The following LRP1 variants were observed in gnomAD, a reference collection of about 807,000 sequenced individuals.
The protein encoded by LRP1 is prolow-density lipoprotein receptor-related protein 1.
Under a neutral mutation model 541.5 loss-of-function variants are expected in LRP1, and 51 were observed. The ratio of observed to expected loss-of-function variants is 0.09; its 90% CI spans 0.08 to 0.12. The LOEUF (loss-of-function observed/expected upper bound fraction) is 0.12. LRP1 is among the 10% of genes least tolerant of loss of function. The pLI, the probability that LRP1 is intolerant of heterozygous loss-of-function variation, is 1.00. For synonymous variants in LRP1, 2,219 were observed against 2,470.8 expected (o/e 0.90, Z 3.02); for missense variants, 3,878 against 6,376.2 (o/e 0.61, Z 13.34).
intron 62 of LRP1, chr12:57,200,233 G>T: frequency 1.6e-6 from 1 of 635,680 alleles, no homozygotes; most frequent in Non-Finnish European, 2.8e-6. Context: ...CCCTAACCTT[G>T]ACCCTCCTTG....
chr12:57,154,708 G>A lies in LRP1; in HGVS notation c.1227+7G>A. On this transcript the variant is annotated splice_region_variant and intron_variant, in intron 8 of 88. Transcript: ENST00000243077. This position sits in a 1 kb window ranked among gnomAD's most constrained non-coding sequence, Gnocchi z 4.6. ...CATCATCCAGGGCATCCTGGTGAGG[G>A]AGCTACTGTCTGAGGTTTTGTGGGG... 6.4e-7 allele frequency: 1 copy of A among 1,554,052 alleles called. No individual in the cohort carries two copies. Among genetic ancestry groups the A allele is most frequent in the South Asian group, 1.2e-5 (1 of 84,294 alleles).
At position 57,211,825 on chromosome 12, in the gene LRP1, G is replaced by A; in HGVS notation, c.13258+11G>A. ...AGCAGCAGCCAGGACGTAGGTGGCA[G>A]GGGTTGGGGCAGGCAGGGCCACCGG... is the stretch of plus-strand genomic sequence containing the variant. On this transcript the variant is annotated intron_variant, in intron 86 of 88. Coordinates refer to ENST00000243077, the MANE Select transcript of LRP1 (RefSeq NM_002332.3). This position sits in a 1 kb window ranked among gnomAD's most constrained non-coding sequence, Gnocchi z 4.3. 2 of 1,612,788 alleles carry A rather than the reference G, an allele frequency of 1.2e-6. No homozygotes were observed. Among genetic ancestry groups the A allele is most frequent in the Non-Finnish European group, 1.7e-6 (2 of 1,180,002 alleles).
At position 57,178,341 on chromosome 12, in the gene LRP1, G is replaced by A. The variant is rs35933169; in HGVS notation, c.4362-18G>A. 6.2e-7 allele frequency: 1 copy of A among 1,605,116 alleles called. No homozygotes were observed. The highest frequency in any genetic ancestry group is 1.1e-5 in the South Asian group (1 of 90,208). On this transcript the variant is annotated intron_variant, in intron 26 of 88. Coordinates refer to ENST00000243077, the MANE Select transcript of LRP1 (RefSeq NM_002332.3). The surrounding 1 kb of genome is among the most constrained non-coding windows in gnomAD (Gnocchi z 5.8). ...AGATCCCAGCTGGCATCCTCATTCT[G>A]CTCCATCATGCTCTTAGGTCAGATG...
intron 33 of LRP1, 105 bp from the exon 34 acceptor site, chr12:57,181,052 C>G: frequency 7.1e-7 from 1 of 1,411,036 alleles, no homozygotes; most frequent in Non-Finnish European, 9.7e-7. Flanking sequence ...CCCATTAGGT[C>G]CAGGGTAGTC....
intron 60 of LRP1, 73 bp from the exon 61 acceptor site, chr12:57,199,139 A>G (rs1310792462): frequency 4.3e-6 from 6 of 1,411,220 alleles, no homozygotes; most frequent in Non-Finnish European, 5.9e-6. Context: ...GTAGGGCTTG[A>G]GGAGGTGGAG....
chr12:57,205,410 G>T lies in LRP1; in HGVS notation c.11395G>T (p.Val3799Leu), dbSNP rs369361942. The T allele has an allele frequency of 1.2e-6, 2 of 1,608,874 alleles. No homozygotes were observed. Among genetic ancestry groups the T allele is most frequent in the Non-Finnish European group, 1.7e-6 (2 of 1,179,654 alleles). The change falls in exon 74 of 89, where the codon GTG becomes TTG. Residue 3799 changes from valine (V) to leucine (L), a missense_variant. This residue lies in a region of LRP1 where 871 missense variants were observed against 1,212.4 expected (regional missense o/e 0.72). Transcript: ENST00000243077. This position sits in a 1 kb window ranked among gnomAD's most constrained non-coding sequence, Gnocchi z 4.6. ...ASICGDEARC[V>L]RTEKAAYCAC... ...CATCTGTGGGGACGAGGCACGCTGC[G>T]TGCGCACCGAGAAAGCGGCCTACTG...
rs1024943013 is a variant in LRP1, at chr12:57,210,310, C to A, written c.12584C>A (p.Pro4195His). The A allele has an allele frequency of 1.3e-6, 2 of 1,553,908 alleles. No individual in the cohort carries two copies. The change falls in exon 82 of 89, where the codon CCC (proline) becomes CAC (histidine). Residue 4195 changes from proline to histidine, a missense_variant. Physicochemically the swap from Pro to His is moderately conservative, Grantham distance 77. Around this residue, in one of 13 missense-constraint regions of LRP1, gnomAD observed 871 missense variants for 1,212.4 expected, o/e 0.72. Transcript: ENST00000243077. ...CCTTGACGGGCCCTTCCTGCAGCTC[C>A]CCGGCCTGGAACCTGTAACCTGCAG... ...VPSPTPPPDAPRPGTCNLQCF... is the reference protein window; with the variant it reads ...VPSPTPPPDAHRPGTCNLQCF...
chr12:57,179,032 CT>C lies in LRP1; in HGVS notation c.4738+12del. ...ACACCACCTGCTATGGTAGGAGCCC[CT>C]CCCTCCAGAGCCAGTGAGCAACTGA... On this transcript the variant is annotated intron_variant, in intron 28 of 88. Transcript: ENST00000243077. This position sits in a 1 kb window ranked among gnomAD's most constrained non-coding sequence, Gnocchi z 6.8. 1 of 1,611,792 alleles carries C rather than the reference CT, an allele frequency of 6.2e-7. No individual in the cohort carries two copies. Among genetic ancestry groups the C allele is most frequent in the Middle Eastern group, 1.7e-4 (1 of 6,048 alleles).
Position 57,202,543 on chromosome 12 carries a change from T to TGGGGCCCCCCCCCCCCCCCC in LRP1, c.10711+6_10711+7insGGGGCCCCCCCCCCCCCCCC. 1.3e-6 allele frequency: 2 copies of TGGGGCCCCCCCCCCCCCCCC among 1,523,598 alleles called. No homozygotes were observed. Among genetic ancestry groups the TGGGGCCCCCCCCCCCCCCCC allele is most frequent in the East Asian group, 2.5e-5 (1 of 40,538 alleles). The allele number at this position is 1,523,598 out of a possible 1,614,324, so 94.4% of individuals were successfully genotyped here. A position where few individuals can be genotyped will look rare whatever the true frequency, so the allele number is the denominator to read the frequency against. ...CTCCGATGAAGAGAGCTGCAGTACG[T>TGGGGCCCCCCCCCCCCCCCC]CCCCACCCACCCAGCCCCGCATGAG... On this transcript the variant is annotated splice_region_variant and intron_variant, in intron 68 of 88. Coordinates refer to ENST00000243077, the MANE Select transcript of LRP1 (RefSeq NM_002332.3).
At position 57,212,304 on chromosome 12, in the gene LRP1, G is replaced by T; in HGVS notation, c.13494+43G>T. ...CAGGGTCGAGTGCCAAGAGGCCGTG[G>T]GTGGCCTAACCAAAGGTGTTGGGTT... On this transcript the variant is annotated intron_variant, in intron 88 of 88. Coordinates refer to ENST00000243077, the MANE Select transcript of LRP1 (RefSeq NM_002332.3). This position sits in a 1 kb window ranked among gnomAD's most constrained non-coding sequence, Gnocchi z 5.0. The T allele has an allele frequency of 6.2e-7, 1 of 1,612,690 alleles. No homozygotes were observed.
intron 8 of LRP1, chr12:57,155,307 C>T (rs34241718): frequency 0.012 from 2,035 of 171,960 alleles, 44 homozygotes; most frequent in African/African-American, 0.046. Flanking sequence ...TCCTCTTAGC[C>T]CTCATAACAG....
In LRP1 at chr12:57,180,430, C is replaced by T. The variant is rs200785273; in HGVS notation, c.5337C>T (p.Ile1779=). ...CNLDGSGLEV[I]DAMRSQLGKA... Reference sequence around the variant, plus strand: ...TGGATGGGAGTGGGCTGGAGGTCATCGATGCCATGCGGAGCCAGCTGGGCA... The same window carrying T: ...TGGATGGGAGTGGGCTGGAGGTCATTGATGCCATGCGGAGCCAGCTGGGCA... The change falls in exon 32 of 89, where the codon ATC becomes ATT. Residue 1779 remains isoleucine, a synonymous_variant. Coordinates refer to ENST00000243077, the MANE Select transcript of LRP1 (RefSeq NM_002332.3). 5.0e-6 allele frequency: 8 copies of T among 1,614,110 alleles called. No individual in the cohort carries two copies. Among genetic ancestry groups the T allele is most frequent in the South Asian group, 2.2e-5 (2 of 91,090 alleles).
At position 57,211,768 on chromosome 12, in the gene LRP1, A is replaced by G. The variant is rs1455230262; in HGVS notation, c.13212A>G (p.Thr4404=). The G allele has an allele frequency of 1.2e-6, 2 of 1,613,030 alleles. No homozygotes were observed. The highest frequency in any genetic ancestry group is 1.7e-5 in the Admixed American group (1 of 59,980). Residue 4404 remains threonine, a synonymous_variant, in exon 86 of 89, where the codon ACA becomes ACG. Transcript: ENST00000243077. This position sits in a 1 kb window ranked among gnomAD's most constrained non-coding sequence, Gnocchi z 4.3. Reference sequence around the variant, plus strand: ...TCTGCAGGTGCCCACCCCACATGACAGGGCCCCGGTGTGAGGAGCACGTCT... The same window carrying G: ...TCTGCAGGTGCCCACCCCACATGACGGGGCCCCGGTGTGAGGAGCACGTCT... ...MPECQCPPHM[T]GPRCEEHVFS... is the part of the protein sequence containing the mutation.
chr12:57,162,405 G>A lies in LRP1; in HGVS notation c.2291G>A (p.Ser764Asn), dbSNP rs1286647682. The A allele has an allele frequency of 6.8e-6, 11 of 1,614,180 alleles. No homozygotes were observed. In the East Asian group the frequency reaches 2.2e-4, roughly 33 times the overall value. ...YLFWTEYRSG[S>N]VYRLERGVGG... ...TTCTGGACTGAGTATCGGAGTGGCA[G>A]TGTCTACCGCTTGGAACGGGGTGTA... is the stretch of plus-strand genomic sequence containing the variant. The change falls in exon 14 of 89, where the codon AGT becomes AAT. Residue 764 changes from serine to asparagine, a missense_variant. Transcript: ENST00000243077. The surrounding 1 kb of genome is among the most constrained non-coding windows in gnomAD (Gnocchi z 5.2).
intron 34 of LRP1, among the ~76,000 whole-genome samples, chr12:57,182,642 C>A (rs2036187818): frequency 6.6e-6 from 1 of 151,494 alleles, no homozygotes; most frequent in African/African-American, 2.4e-5. Context: ...CACGGAGAAA[C>A]CCTGTCTCTA....
chr12:57,170,369 T>G (rs888972759), intron 20 of LRP1, among the ~76,000 whole-genome samples: 8 of 152,150 alleles, frequency 5.3e-5, no homozygotes, highest in African/African-American at 1.9e-4. Flanking sequence ...TGGCAGTTGA[T>G]TTTAGAAGTT....
Position 57,195,702 on chromosome 12 carries a change from C to T in LRP1, c.8482C>T (p.Arg2828Cys), listed in dbSNP as rs944974792. ...CDDREFMCQNRQCIPKHFVCD... is the reference protein window; with the variant it reads ...CDDREFMCQNCQCIPKHFVCD... ...CGACCGTGAGTTCATGTGCCAGAAC[C>T]GCCAGTGCATCCCCAAGCACTTCGT... Residue 2828 changes from arginine (R) to cysteine (C), a missense_variant, in exon 53 of 89, where the codon CGC (arginine) becomes TGC (cysteine). Physicochemically the swap from Arg to Cys is radical, Grantham distance 180. This residue lies in a region of LRP1 where 1,100 missense variants were observed against 1,827.4 expected (regional missense o/e 0.60). Coordinates refer to ENST00000243077, the MANE Select transcript of LRP1 (RefSeq NM_002332.3). The T allele has an allele frequency of 1.1e-5, 18 of 1,614,138 alleles. No homozygotes were observed. Among genetic ancestry groups the T allele is most frequent in the Non-Finnish European group, 1.4e-5 (17 of 1,180,026 alleles).
chr12:57,173,500 C>T lies in LRP1; in HGVS notation c.3346+150C>T. On this transcript the variant is annotated intron_variant, in intron 21 of 88. Coordinates refer to ENST00000243077, the MANE Select transcript of LRP1 (RefSeq NM_002332.3). The surrounding 1 kb of genome is among the most constrained non-coding windows in gnomAD (Gnocchi z 4.7). ...AAGGCAAAAGGCAGTCCAGAGGAAG[C>T]TTGTGTGTCATGGGTGGGGGAAGGC... 1.1e-6 allele frequency: 1 copy of T among 918,070 alleles called. No individual in the cohort carries two copies. The highest frequency in any genetic ancestry group is 1.7e-5 in the South Asian group (1 of 58,612). The allele number at this position is 918,070 out of a possible 1,614,324, so 56.9% of individuals were successfully genotyped here.
chr12:57,202,092 C>T (rs1471491715), intron 67 of LRP1, 187 bp downstream of exon 67: 32 of 716,816 alleles, frequency 4.5e-5, no homozygotes, highest in Admixed American at 4.1e-4. Context: ...CACATCCACC[C>T]GTGCCCCATG....
Sources: gnomAD v4.1 joint callset for allele counts (sites outside exome capture counted in the v4.1 genomes callset) on GRCh38, gnomAD v4.1.1 for gene constraint, gnomAD v4.1.1 regional missense constraint, Gnocchi (gnomAD v3.1) non-coding constraint, MANE v1.5 for transcripts, NCBI Gene and HGNC (gene_info 2026-07-23, HGNC 2026-07-21) for gene names.